Variants in CSMD1 observed in about 807,000 individuals in gnomAD.
CSMD1 encodes CUB and Sushi multiple domains 1.
CSMD1 carries 213 observed loss-of-function variants against 417.5 expected under a neutral mutation model. That is an observed-to-expected ratio of 0.51 (90% CI 0.46 to 0.57). The LOEUF is 0.57. Ranked by LOEUF, CSMD1 falls within the 20% of genes least tolerant of loss-of-function variation. The pLI is 0.00. For synonymous variants in CSMD1, 2,862 were observed against 1,736.8 expected (o/e 1.65, Z -16.11); for missense variants, 6,923 against 4,529.7 (o/e 1.53, Z -15.17).
At chr8:4,128,359 C>T (rs565961994) in intron 3 of CSMD1, among the ~76,000 whole-genome samples, 3 of 152,278 alleles carry the variant, frequency 2.0e-5, no homozygotes, top group East Asian at 3.9e-4. Context: ...CAAGTAAAAA[C>T]TTATGTGGAT....
chr8:3,152,016 A>T (rs1409052619), intron 39 of CSMD1, among the ~76,000 whole-genome samples: 1 of 152,234 alleles, frequency 6.6e-6, no homozygotes, highest in Non-Finnish European at 1.5e-5. Context: ...GCCTAAAGTG[A>T]CATGCCTGGT....
At chr8:3,333,100 C>T (rs1807015190) in intron 23 of CSMD1, among the ~76,000 whole-genome samples, 2 of 152,150 alleles carry the variant, frequency 1.3e-5, no homozygotes. Context: ...CCAGTGGCAC[C>T]AAGGAGCTGG....
chr8:4,694,191 A>G (rs2617012), intron 1 of CSMD1, among the ~76,000 whole-genome samples: 113,515 of 152,074 alleles, frequency 0.75, 43,335 homozygotes, highest in African/African-American at 0.9. Context: ...TGCTCTCTGA[A>G]ATAAATGCGT....
Position 4,663,134 on chromosome 8 carries a change from G to A in CSMD1, c.86-25576C>T, listed in dbSNP as rs548852670. 2.4e-4 allele frequency among the ~76,000 whole-genome samples: 37 copies of A among 152,232 alleles called. 1 individual carries two copies. In the Middle Eastern group the frequency reaches 0.01, roughly 42 times the overall value. On this transcript the variant is annotated intron_variant, in intron 1 of 69. Transcript: ENST00000635120. ...GTGGGCTTAGGACGCCACGGAGAAG[G>A]GATCTGTGTCATTTCCTCTGGAAAC...
At chr8:3,489,056 T>C (rs530926353) in intron 11 of CSMD1, among the ~76,000 whole-genome samples, 2 of 152,224 alleles carry the variant, frequency 1.3e-5, no homozygotes, top group African/African-American at 4.8e-5. Flanking sequence ...TATATAAAGA[T>C]ACACACACAA....
chr8:4,396,171 A>T (rs1804194353), intron 3 of CSMD1, among the ~76,000 whole-genome samples: 1 of 152,148 alleles, frequency 6.6e-6, no homozygotes, highest in Admixed American at 6.6e-5. Flanking sequence ...GCAAAGCAAG[A>T]ATAACATTTC....
At chr8:3,287,923 G>C (rs139526890) in intron 25 of CSMD1, among the ~76,000 whole-genome samples, 4,617 of 145,814 alleles carry the variant, frequency 0.032, 904 homozygotes, top group African/African-American at 0.12. Context: ...TATTCAGTAT[G>C]ATATTGGCTG....
At chr8:2,992,470 CTGGAGTGCAG>C (rs2128949077) in intron 54 of CSMD1, among the ~76,000 whole-genome samples, 1 of 152,084 alleles carries the variant, frequency 6.6e-6, no homozygotes, top group South Asian at 2.1e-4. Flanking sequence ...GTCAGTCAGG[CTGGAGTGCAG>C]TGGCGTGATC....
At chr8:3,051,417 G>A (rs73488466) in intron 50 of CSMD1, among the ~76,000 whole-genome samples, 8,388 of 152,184 alleles carry the variant, frequency 0.055, 784 homozygotes, top group African/African-American at 0.19. Flanking sequence ...CATAAAGAAG[G>A]CAGCAACAGA....
At chr8:4,285,766 G>C (rs965611044) in intron 3 of CSMD1, among the ~76,000 whole-genome samples, 2 of 152,148 alleles carry the variant, frequency 1.3e-5, no homozygotes, top group African/African-American at 4.8e-5. Flanking sequence ...AAATAGCTTT[G>C]TTAAGACATG....
intron 18 of CSMD1, among the ~76,000 whole-genome samples, chr8:3,374,975 C>A (rs939854650): frequency 3.3e-5 from 5 of 152,146 alleles, no homozygotes; most frequent in African/African-American, 9.6e-5. Context: ...AGCACGCAGA[C>A]AATTTCACAG....
At chr8:4,408,459 T>A (rs1207252681) in intron 3 of CSMD1, among the ~76,000 whole-genome samples, 2 of 152,234 alleles carry the variant, frequency 1.3e-5, no homozygotes, top group Non-Finnish European at 2.9e-5. Context: ...AATAACTGCA[T>A]GAATTATTGA....
chr8:3,630,895 C>G (rs1056530877), intron 7 of CSMD1, among the ~76,000 whole-genome samples: 1 of 152,142 alleles, frequency 6.6e-6, no homozygotes. Flanking sequence ...GCATGTGTGT[C>G]TGGATTAGAG....
At chr8:4,536,795 T>G (rs1308343418) in intron 2 of CSMD1, among the ~76,000 whole-genome samples, 2 of 152,230 alleles carry the variant, frequency 1.3e-5, no homozygotes, top group Admixed American at 6.5e-5. Flanking sequence ...TCATAGCACC[T>G]GTATCATTTT....
intron 2 of CSMD1, among the ~76,000 whole-genome samples, chr8:4,433,220 C>A (rs577895338): frequency 9.9e-5 from 15 of 152,246 alleles, no homozygotes; most frequent in Non-Finnish European, 1.8e-4. Flanking sequence ...AATAATATTA[C>A]AAATAAAGTG....
chr8:3,013,407 G>T (rs531853098), intron 52 of CSMD1, among the ~76,000 whole-genome samples: 1 of 152,072 alleles, frequency 6.6e-6, no homozygotes, highest in Admixed American at 6.6e-5. Context: ...TTAAATATTT[G>T]AAAATAGTTA....
intron 2 of CSMD1, among the ~76,000 whole-genome samples, chr8:4,582,544 G>A (rs1171542356): frequency 6.6e-6 from 1 of 152,176 alleles, no homozygotes; most frequent in Non-Finnish European, 1.5e-5. Context: ...GAGAGATCAG[G>A]AAGGAAGACA....
intron 6 of CSMD1, among the ~76,000 whole-genome samples, chr8:3,731,377 C>T (rs1027898920): frequency 6.6e-6 from 1 of 152,150 alleles, no homozygotes; most frequent in Non-Finnish European, 1.5e-5. Context: ...CAGGCTAATA[C>T]AGGGAGAAAT....
intron 2 of CSMD1, among the ~76,000 whole-genome samples, chr8:4,434,162 A>T (rs1798021430): frequency 6.6e-6 from 1 of 152,130 alleles, no homozygotes; most frequent in Non-Finnish European, 1.5e-5. Flanking sequence ...ACATGGTGAA[A>T]ACCAGTCTCT....
Sources: allele counts gnomAD v4.1 joint callset (sites outside exome capture counted in the v4.1 genomes callset), GRCh38; gene constraint gnomAD v4.1.1; transcripts MANE v1.5; gene names NCBI Gene and HGNC (gene_info 2026-07-23, HGNC 2026-07-21).